The following ATP2C2 variants were observed in gnomAD, a reference collection of about 807,000 sequenced individuals.
ATP2C2 encodes calcium-transporting ATPase type 2C member 2.
Under a neutral mutation model 110.8 loss-of-function variants are expected in ATP2C2, and 171 were observed. The ratio of observed to expected loss-of-function variants is 1.54; its 90% CI spans 1.36 to 1.75. The LOEUF is 1.75. Among genes scored for constraint, ATP2C2 ranks in the 40% most tolerant of loss-of-function variants. The probability of loss-of-function intolerance (pLI) is 0.00; values close to 1 mark genes in which losing one functional copy is unlikely to be tolerated. For missense variants in ATP2C2, 1,963 were observed against 1,235.0 expected (o/e 1.59, Z -8.84); for synonymous variants, 804 against 508.4 (o/e 1.58, Z -7.82).
At chr16:84,404,235 C>T (rs1263818171) in intron 2 of ATP2C2, among the ~76,000 whole-genome samples, 2 of 152,226 alleles carry the variant, frequency 1.3e-5, no homozygotes, top group Non-Finnish European at 2.9e-5. Context: ...GGGACCCTCT[C>T]ATGGGAGGGT....
In ATP2C2 at chr16:84,411,656, C is replaced by T. The variant is rs558469532; in HGVS notation, c.515+891C>T. On this transcript the variant is annotated intron_variant, in intron 6 of 26. Coordinates refer to ENST00000262429, the MANE Select transcript of ATP2C2 (RefSeq NM_014861.4). ...GGGGTTTCGCCACGTTGGCTAGGCT[C>T]GTCTCGACCTCCTGACCTCAGATGA... 1.6e-4 allele frequency among the ~76,000 whole-genome samples: 25 copies of T among 152,252 alleles called. No individual in the cohort carries two copies. The East Asian group carries it at 1.9e-3, about 12-fold the overall frequency.
chr16:84,389,703 T>C (rs995244068), intron 1 of ATP2C2, among the ~76,000 whole-genome samples: 8 of 149,504 alleles, frequency 5.4e-5, no homozygotes, highest in Non-Finnish European at 7.4e-5. Flanking sequence ...TGCTGGGAAC[T>C]TCACTCTCAC....
At chr16:84,419,376 G>A (rs1014128182) in intron 7 of ATP2C2, among the ~76,000 whole-genome samples, 3 of 152,084 alleles carry the variant, frequency 2.0e-5, no homozygotes, top group Non-Finnish European at 2.9e-5. Flanking sequence ...ACATCTCCCT[G>A]ACATCAGACA....
chr16:84,441,075 C>T, intron 14 of ATP2C2, 117 bp downstream of exon 14: 5 of 887,462 alleles, frequency 5.6e-6, no homozygotes, highest in Non-Finnish European at 9.1e-6. Flanking sequence ...ACTGGCCCAT[C>T]CAGGGGTGAG....
rs551353129 is a variant in ATP2C2 at position 84,407,197 on chromosome 16, C to G, written c.328-1208C>G. Reference sequence around the variant, plus strand: ...CTATCTTTCCCCCAGTGACAGGGAACTCATCACCTCACAAGGCAGCCCTGT... The same window carrying G: ...CTATCTTTCCCCCAGTGACAGGGAAGTCATCACCTCACAAGGCAGCCCTGT... On this transcript the variant is annotated intron_variant, in intron 3 of 26. Coordinates refer to ENST00000262429, the MANE Select transcript of ATP2C2 (RefSeq NM_014861.4). 4 of 152,356 alleles carry G rather than the reference C, an allele frequency of 2.6e-5. No homozygotes were observed. In the East Asian group the frequency reaches 7.7e-4, roughly 29 times the overall value. The allele number at this position is 152,356 out of a possible 1,614,324, so 9.4% of individuals were successfully genotyped here. A position where few individuals can be genotyped will look rare whatever the true frequency, so the allele number is the denominator to read the frequency against.
chr16:84,393,032 C>T (rs1444354190), intron 1 of ATP2C2, among the ~76,000 whole-genome samples: 1 of 152,140 alleles, frequency 6.6e-6, no homozygotes, highest in Non-Finnish European at 1.5e-5. Flanking sequence ...AGTGCCTCAG[C>T]TTCAAGGTGG....
At chr16:84,406,335 G>C (rs1050997120) in intron 3 of ATP2C2, among the ~76,000 whole-genome samples, 4 of 152,238 alleles carry the variant, frequency 2.6e-5, no homozygotes, top group African/African-American at 9.6e-5. Context: ...TGAACAGGCA[G>C]AATTTTCCAG....
At chr16:84,432,063 G>A (rs1261244052) in intron 11 of ATP2C2, among the ~76,000 whole-genome samples, 3 of 152,096 alleles carry the variant, frequency 2.0e-5, no homozygotes, top group Non-Finnish European at 4.4e-5. Flanking sequence ...CTGGATGGCC[G>A]CTCCCCCAAC....
At chr16:84,393,012 C>T (rs1024247231) in intron 1 of ATP2C2, among the ~76,000 whole-genome samples, 1 of 152,124 alleles carries the variant, frequency 6.6e-6, no homozygotes, top group African/African-American at 2.4e-5. Context: ...GAGTTTGTTT[C>T]CAGTTTTTGA....
At chr16:84,386,004 C>T (rs548619202) in intron 1 of ATP2C2, among the ~76,000 whole-genome samples, 8 of 152,310 alleles carry the variant, frequency 5.3e-5, no homozygotes, top group East Asian at 1.9e-4. Flanking sequence ...ATTTGGCCAA[C>T]GGGAACCCTT....
intron 1 of ATP2C2, among the ~76,000 whole-genome samples, chr16:84,374,956 G>T (rs1034025434): frequency 6.6e-6 from 1 of 152,222 alleles, no homozygotes; most frequent in Non-Finnish European, 1.5e-5. Context: ...GTATTTAGAT[G>T]AACCTGTCCA....
In ATP2C2 at chr16:84,459,156, C is replaced by T; in HGVS notation, c.2184C>T (p.Asn728=). 6.2e-7 allele frequency: 1 copy of T among 1,614,166 alleles called. No homozygotes were observed. The highest frequency in any genetic ancestry group is 8.5e-7 in the Non-Finnish European group (1 of 1,180,036). ...AVEEGKGIFY[N]IKNFVRFQLS... is the part of the protein sequence containing the mutation. ...AGGAAGGCAAGGGTATTTTTTACAA[C>T]ATCAAAAACTTTGTCCGATTCCAGC... Residue 728 remains asparagine (N), a synonymous_variant, in exon 22 of 27, where the codon AAC becomes AAT. Coordinates refer to ENST00000262429, the MANE Select transcript of ATP2C2 (RefSeq NM_014861.4).
intron 20 of ATP2C2, among the ~76,000 whole-genome samples, chr16:84,453,929 C>G (rs750891522): frequency 1.3e-5 from 2 of 152,228 alleles, no homozygotes; most frequent in East Asian, 3.9e-4. Context: ...CAACCTCTGC[C>G]TCCCAGGGTT....
intron 11 of ATP2C2, among the ~76,000 whole-genome samples, chr16:84,430,742 A>T (rs1035832685): frequency 6.6e-6 from 1 of 151,754 alleles, no homozygotes; most frequent in Admixed American, 6.6e-5. Context: ...AGAACATGTG[A>T]TCCCAGTTCA....
intron 23 of ATP2C2, chr16:84,460,416 G>A (rs770988871): frequency 1.7e-6 from 1 of 599,380 alleles, no homozygotes. Flanking sequence ...GGCCTTACGG[G>A]GTGGTCTTCC....
chr16:84,370,504 T>TG (rs1292761899), intron 1 of ATP2C2, among the ~76,000 whole-genome samples: 1 of 150,650 alleles, frequency 6.6e-6, no homozygotes. Context: ...GGGAGGGAGG[T>TG]GGGGAGGCCG....
intron 14 of ATP2C2, among the ~76,000 whole-genome samples, chr16:84,441,423 G>C (rs1242271196): frequency 6.6e-6 from 1 of 152,120 alleles, no homozygotes; most frequent in Non-Finnish European, 1.5e-5. Context: ...ATTGTTATTA[G>C]TGAGCCTGTG....
chr16:84,400,602 C>G (rs1905259957), intron 2 of ATP2C2, among the ~76,000 whole-genome samples: 1 of 152,212 alleles, frequency 6.6e-6, no homozygotes, highest in Admixed American at 6.5e-5. Flanking sequence ...GCTGGGATTA[C>G]AGGCATGAGC....
intron 1 of ATP2C2, among the ~76,000 whole-genome samples, chr16:84,372,565 C>T (rs895334205): frequency 3.9e-5 from 6 of 151,938 alleles, no homozygotes; most frequent in Non-Finnish European, 8.8e-5. Context: ...GCTGGGATTA[C>T]AGGCACCCGC....
Sources: gnomAD v4.1 joint callset for allele counts (sites outside exome capture counted in the v4.1 genomes callset) on GRCh38, gnomAD v4.1.1 for gene constraint, MANE v1.5 for transcripts, NCBI Gene and HGNC (gene_info 2026-07-23, HGNC 2026-07-21) for gene names.